The following NDFIP2 variants were observed in gnomAD, a reference collection of about 807,000 sequenced individuals.
NDFIP2 encodes the protein NEDD4 family-interacting protein 2.
In NDFIP2, 19 loss-of-function variants were observed where a neutral mutation model predicts 36.0. That is an observed-to-expected ratio of 0.53 (90% CI 0.37 to 0.77). The LOEUF is 0.77. Ranked by LOEUF, NDFIP2 falls within the 30% of genes least tolerant of loss-of-function variation. The probability of loss-of-function intolerance (pLI) is 0.00; values close to 1 mark genes in which losing one functional copy is unlikely to be tolerated. For synonymous variants in NDFIP2, 181 were observed against 167.7 expected, an observed-to-expected ratio of 1.08 and a Z score of -0.61; for missense variants, 446 against 435.8, an observed-to-expected ratio of 1.02 and a Z score of -0.21.
intron 1 of NDFIP2, among the ~76,000 whole-genome samples, chr13:79,508,458 G>T (rs564769394): frequency 6.6e-6 from 1 of 152,260 alleles, no homozygotes; most frequent in East Asian, 1.9e-4. Flanking sequence ...CATATTTATT[G>T]TTATTTCTTG....
At chr13:79,523,483 G>A (rs1045787913) in intron 2 of NDFIP2, among the ~76,000 whole-genome samples, 10 of 152,140 alleles carry the variant, frequency 6.6e-5, no homozygotes, top group African/African-American at 2.4e-4. Context: ...GCCTCCCAAA[G>A]TGCCGGGATT....
At chr13:79,505,466 CA>C (rs897664916) in intron 1 of NDFIP2, among the ~76,000 whole-genome samples, 2 of 151,348 alleles carry the variant, frequency 1.3e-5, no homozygotes, top group Non-Finnish European at 1.5e-5. Context: ...TTCAGCTCTA[CA>C]AAAAAAATGT....
chr13:79,519,820 C>T (rs1326486447), intron 1 of NDFIP2, among the ~76,000 whole-genome samples: 1 of 152,198 alleles, frequency 6.6e-6, no homozygotes, highest in Non-Finnish European at 1.5e-5. Flanking sequence ...GACGGAGTCT[C>T]GCTCTGTCAC....
chr13:79,536,553 T>C (rs1168162930), intron 3 of NDFIP2, among the ~76,000 whole-genome samples: 1 of 152,200 alleles, frequency 6.6e-6, no homozygotes, highest in East Asian at 1.9e-4. Flanking sequence ...TTAATGTAGT[T>C]GAAATTATTG....
chr13:79,515,454 A>G (rs1207250541), intron 1 of NDFIP2, among the ~76,000 whole-genome samples: 2 of 152,228 alleles, frequency 1.3e-5, no homozygotes, highest in Admixed American at 1.3e-4. Context: ...ATTTATTTTC[A>G]GCTTATAGAT....
At chr13:79,512,064 A>G (rs1451852533) in intron 1 of NDFIP2, among the ~76,000 whole-genome samples, 1 of 152,202 alleles carries the variant, frequency 6.6e-6, no homozygotes, top group Non-Finnish European at 1.5e-5. Flanking sequence ...TTCTTTGCAC[A>G]ATTTTACTTT....
intron 1 of NDFIP2, among the ~76,000 whole-genome samples, chr13:79,506,184 A>G (rs1224039419): frequency 6.6e-6 from 1 of 152,208 alleles, no homozygotes; most frequent in Non-Finnish European, 1.5e-5. Flanking sequence ...TGGAAAAAAT[A>G]CAGAAGAGTG....
chr13:79,484,738 G>A (rs1233523253), intron 1 of NDFIP2, among the ~76,000 whole-genome samples: 2 of 152,178 alleles, frequency 1.3e-5, no homozygotes, highest in East Asian at 1.9e-4. Flanking sequence ...CTGAGAAGGA[G>A]GCTTGAAGGA....
rs865957522 is a variant in NDFIP2 at position 79,482,178 on chromosome 13, T to G, written c.321+654T>G. 1.1e-4 allele frequency among the ~76,000 whole-genome samples: 16 copies of G among 142,502 alleles called. No individual in the cohort carries two copies. In the South Asian group the frequency reaches 3.6e-3, roughly 32 times the overall value. The allele number at this position is 142,502 out of a possible 152,430, so 93.5% of individuals were successfully genotyped here. A position where few individuals can be genotyped will look rare whatever the true frequency, so the allele number is the denominator to read the frequency against. ...CTTTCTTTCTTTCTTTCTTTTTTTT[T>G]TTTTTTTTTTTTTTTTTGGTTAGAG... On this transcript the variant is annotated intron_variant, in intron 1 of 7. Coordinates refer to ENST00000218652, the MANE Select transcript of NDFIP2 (RefSeq NM_019080.3).
intron 2 of NDFIP2, among the ~76,000 whole-genome samples, 173 bp from the exon 3 acceptor site, chr13:79,533,150 A>C (rs973202648): frequency 1.3e-5 from 2 of 152,192 alleles, no homozygotes; most frequent in African/African-American, 4.8e-5. Context: ...AATTTGGACT[A>C]AAGTAAGATA....
chr13:79,545,960 T>C (rs1875656401), intron 5 of NDFIP2, among the ~76,000 whole-genome samples: 2 of 152,200 alleles, frequency 1.3e-5, no homozygotes, highest in South Asian at 2.1e-4. Context: ...GATCTCAAGC[T>C]CAGGCAATCT....
chr13:79,526,686 G>A (rs930433223), intron 2 of NDFIP2, among the ~76,000 whole-genome samples: 1 of 152,146 alleles, frequency 6.6e-6, no homozygotes, highest in Non-Finnish European at 1.5e-5. Flanking sequence ...GGTAGGAGAG[G>A]ACTCTGAAAA....
intron 1 of NDFIP2, among the ~76,000 whole-genome samples, chr13:79,492,856 G>A (rs1412729209): frequency 6.6e-6 from 1 of 152,088 alleles, no homozygotes; most frequent in African/African-American, 2.4e-5. Flanking sequence ...CTCTTGCTTT[G>A]TAGCTTTTAA....
At chr13:79,505,409 T>C (rs1294419869) in intron 1 of NDFIP2, among the ~76,000 whole-genome samples, 1 of 152,088 alleles carries the variant, frequency 6.6e-6, no homozygotes, top group African/African-American at 2.4e-5. Context: ...ACAGGGGTAT[T>C]GCTTGAGCCC....
intron 1 of NDFIP2, among the ~76,000 whole-genome samples, chr13:79,501,419 G>A (rs1873662109): frequency 6.6e-6 from 1 of 151,988 alleles, no homozygotes; most frequent in Admixed American, 6.6e-5. Context: ...GGGGGTGTAT[G>A]GGAAAGCTCT....
intron 5 of NDFIP2, among the ~76,000 whole-genome samples, chr13:79,545,791 C>T (rs1258331844): frequency 6.6e-6 from 1 of 152,152 alleles, no homozygotes; most frequent in Non-Finnish European, 1.5e-5. Context: ...GGCTGGAGTG[C>T]AGTGGTGCCA....
At chr13:79,505,608 A>AGTTGC in intron 1 of NDFIP2, among the ~76,000 whole-genome samples, 1 of 152,038 alleles carries the variant, frequency 6.6e-6, no homozygotes, top group Admixed American at 6.6e-5. Flanking sequence ...CAGCCTGGGC[A>AGTTGC]ACAGAGAAAG....
intron 6 of NDFIP2, among the ~76,000 whole-genome samples, chr13:79,550,719 G>A (rs1020888785): frequency 6.6e-6 from 1 of 151,398 alleles, no homozygotes; most frequent in Non-Finnish European, 1.5e-5. Flanking sequence ...GTTTAAGTGC[G>A]TCAGGTAACT....
At chr13:79,531,550 C>T (rs1170197880) in intron 2 of NDFIP2, among the ~76,000 whole-genome samples, 1 of 152,208 alleles carries the variant, frequency 6.6e-6, no homozygotes, top group African/African-American at 2.4e-5. Flanking sequence ...ATGATCTTAG[C>T]TAGATCTTCT....
Sources: allele counts gnomAD v4.1 joint callset (sites outside exome capture counted in the v4.1 genomes callset), GRCh38; gene constraint gnomAD v4.1.1; transcripts MANE v1.5; gene names NCBI Gene and HGNC (gene_info 2026-07-23, HGNC 2026-07-21).